Variants in CNTN5 observed in about 807,000 individuals in gnomAD.
The protein encoded by CNTN5 is contactin 5, also known as contactin-5.
CNTN5 carries 77 observed loss-of-function variants against 129.1 expected under a neutral mutation model. The ratio of observed to expected loss-of-function variants is 0.60; its 90% CI spans 0.50 to 0.72. The LOEUF (loss-of-function observed/expected upper bound fraction) is 0.72, where lower values mean the gene tolerates loss of function less well. Among genes scored for constraint, CNTN5 ranks in the 30% least tolerant of loss-of-function variants. The pLI is 0.00. For synonymous variants in CNTN5, 509 were observed against 465.6 expected, an observed-to-expected ratio of 1.09 and a Z score of -1.20; for missense variants, 1,478 against 1,328.8, an observed-to-expected ratio of 1.11 and a Z score of -1.75.
chr11:100,005,211 CTCTT>C (rs1186014987), intron 9 of CNTN5, among the ~76,000 whole-genome samples: 1 of 152,144 alleles, frequency 6.6e-6, no homozygotes, highest in East Asian at 1.9e-4. Flanking sequence ...ATCCAATCAA[CTCTT>C]TATTATTAAC....
At chr11:100,217,080 T>G (rs1430265253) in intron 15 of CNTN5, among the ~76,000 whole-genome samples, 1 of 152,212 alleles carries the variant, frequency 6.6e-6, no homozygotes, top group Non-Finnish European at 1.5e-5. Flanking sequence ...AAAATCATTT[T>G]TTTCTGCAAT....
rs79332550 is a variant in CNTN5, at chr11:99,647,304, C to A, written c.55+91035C>A. ...CTGTTTTTTAAAGAGACTGTACTTT[C>A]CCCCGTGAAAGTTCTTGGCACCTTT... On this transcript the variant is annotated intron_variant, in intron 3 of 24. Coordinates refer to ENST00000524871, the MANE Select transcript of CNTN5 (RefSeq NM_014361.4). Among the ~76,000 whole-genome samples the A allele has an allele frequency of 6.8e-3, 1,042 of 152,124 alleles. 68 individuals carry two copies. The East Asian group carries it at 0.17, about 24-fold the overall frequency.
chr11:99,937,865 T>G (rs916744448), intron 7 of CNTN5, among the ~76,000 whole-genome samples: 1 of 152,188 alleles, frequency 6.6e-6, no homozygotes, highest in African/African-American at 2.4e-5. Flanking sequence ...ATCTTGAAAC[T>G]GAACCAGGCA....
chr11:100,227,908 C>A (rs1949412757), intron 16 of CNTN5, among the ~76,000 whole-genome samples: 1 of 152,072 alleles, frequency 6.6e-6, no homozygotes, highest in Non-Finnish European at 1.5e-5. Context: ...TGTTAAGAAC[C>A]AGTATTCCCA....
chr11:99,086,538 C>A (rs749630780), intron 1 of CNTN5, among the ~76,000 whole-genome samples: 1 of 152,054 alleles, frequency 6.6e-6, no homozygotes, highest in Admixed American at 6.6e-5. Context: ...TCAGATCGTG[C>A]GTGAGCTAAC....
intron 17 of CNTN5, among the ~76,000 whole-genome samples, 153 bp downstream of exon 17, chr11:100,256,071 C>T (rs548785253): frequency 6.6e-6 from 1 of 152,182 alleles, no homozygotes; most frequent in South Asian, 2.1e-4. Context: ...TTTTTATGAA[C>T]CTGAGAAGAG....
chr11:99,334,850 A>G (rs1435419248), intron 2 of CNTN5, among the ~76,000 whole-genome samples: 2 of 152,078 alleles, frequency 1.3e-5, no homozygotes, highest in Non-Finnish European at 2.9e-5. Context: ...AATTGTTACT[A>G]TTATTTTCTT....
At chr11:99,281,946 C>T (rs1040218734) in intron 1 of CNTN5, among the ~76,000 whole-genome samples, 34 of 152,016 alleles carry the variant, frequency 2.2e-4, no homozygotes, top group African/African-American at 7.5e-4. Context: ...TCAGAATTTT[C>T]GGAAGTAGAA....
intron 2 of CNTN5, among the ~76,000 whole-genome samples, chr11:99,516,384 A>G (rs2135425482): frequency 6.6e-6 from 1 of 152,292 alleles, no homozygotes; most frequent in Admixed American, 6.6e-5. Flanking sequence ...AATTTCTGGT[A>G]AGAGAAAACG....
chr11:99,466,953 A>C (rs1216530917), intron 2 of CNTN5, among the ~76,000 whole-genome samples: 4 of 152,220 alleles, frequency 2.6e-5, no homozygotes, highest in Admixed American at 6.5e-5. Context: ...TGGGAGATAC[A>C]GATTTCCTAT....
intron 3 of CNTN5, 149 bp from the exon 4 acceptor site, chr11:99,819,395 A>G (rs1946710734): frequency 1.6e-6 from 1 of 617,002 alleles, no homozygotes; most frequent in Non-Finnish European, 2.7e-6. Flanking sequence ...ATATAAAAGT[A>G]ACATTTTTTC....
intron 1 of CNTN5, among the ~76,000 whole-genome samples, chr11:99,231,206 C>G (rs1591389618): frequency 6.6e-6 from 1 of 152,132 alleles, no homozygotes; most frequent in South Asian, 2.1e-4. Context: ...ATTTCTGGTT[C>G]TAGGTCTTTG....
intron 3 of CNTN5, among the ~76,000 whole-genome samples, chr11:99,814,650 T>C (rs996158244): frequency 1.3e-5 from 2 of 152,132 alleles, no homozygotes; most frequent in African/African-American, 4.8e-5. Flanking sequence ...TTACGAATTA[T>C]GAACTTTAAC....
At chr11:100,041,740 T>G (rs530213589) in intron 9 of CNTN5, among the ~76,000 whole-genome samples, 2 of 152,328 alleles carry the variant, frequency 1.3e-5, no homozygotes, top group Admixed American at 1.3e-4. Flanking sequence ...ATTATAATTG[T>G]TTTAAAAAAC....
chr11:99,844,696 A>G (rs1591298607), intron 4 of CNTN5, 156 bp from the exon 5 acceptor site: 1 of 645,074 alleles, frequency 1.6e-6, no homozygotes, highest in East Asian at 2.8e-5. Flanking sequence ...TTAATAAAAC[A>G]ATGCAGTTTT....
intron 2 of CNTN5, among the ~76,000 whole-genome samples, chr11:99,512,151 C>T (rs566392383): frequency 6.6e-6 from 1 of 152,230 alleles, no homozygotes; most frequent in South Asian, 2.1e-4. Flanking sequence ...ACCAACCCTG[C>T]CGCCTCCATT....
chr11:99,090,061 A>G (rs760374395), intron 1 of CNTN5, among the ~76,000 whole-genome samples: 1 of 152,198 alleles, frequency 6.6e-6, no homozygotes, highest in Non-Finnish European at 1.5e-5. Context: ...GGGGTATAAT[A>G]AGTGCTTAAT....
intron 13 of CNTN5, among the ~76,000 whole-genome samples, chr11:100,077,193 G>A (rs1944165480): frequency 6.6e-6 from 1 of 152,194 alleles, no homozygotes; most frequent in African/African-American, 2.4e-5. Flanking sequence ...AATGGAAACA[G>A]AGGTGTTAGA....
intron 1 of CNTN5, among the ~76,000 whole-genome samples, chr11:99,324,024 T>G (rs1295725701): frequency 6.6e-6 from 1 of 152,192 alleles, no homozygotes; most frequent in Non-Finnish European, 1.5e-5. Context: ...AATTTAGACT[T>G]GATATCAGAA....
Sources: gnomAD v4.1 joint callset for allele counts (sites outside exome capture counted in the v4.1 genomes callset) on GRCh38, gnomAD v4.1.1 for gene constraint, MANE v1.5 for transcripts, NCBI Gene and HGNC (gene_info 2026-07-23, HGNC 2026-07-21) for gene names.